PPP6R2: variants seen among roughly 807,000 people sequenced by gnomAD.
The protein encoded by PPP6R2 is serine/threonine-protein phosphatase 6 regulatory subunit 2.
A neutral mutation model predicts 100.2 loss-of-function variants in PPP6R2; 62 were observed. The ratio of observed to expected loss-of-function variants is 0.62; its 90% CI spans 0.50 to 0.76. PPP6R2 has a LOEUF of 0.76. Ranked by LOEUF, PPP6R2 falls within the 30% of genes least tolerant of loss-of-function variation. The pLI is 0.00. For missense variants in PPP6R2, 1,142 were observed against 1,276.3 expected (o/e 0.89, Z 1.60); for synonymous variants, 525 against 514.7 (o/e 1.02, Z -0.27).
At chr22:50,386,145 T>A (rs376017934) in intron 2 of PPP6R2, among the ~76,000 whole-genome samples, 5 of 148,220 alleles carry the variant, frequency 3.4e-5, no homozygotes, top group African/African-American at 1.2e-4. Flanking sequence ...TTGTTTTGTT[T>A]TGTTTTGTTT....
At chr22:50,434,941 C>T in intron 12 of PPP6R2, 25 bp from the exon 13 acceptor site, 1 of 1,589,010 alleles carries the variant, frequency 6.3e-7, no homozygotes, top group South Asian at 1.1e-5. Flanking sequence ...CAGGAGGCCG[C>T]CCCGATGGTG....
chr22:50,374,708 G>C (rs1362725424), intron 2 of PPP6R2, among the ~76,000 whole-genome samples: 1 of 152,122 alleles, frequency 6.6e-6, no homozygotes, highest in East Asian at 1.9e-4. Context: ...AAGGTCAGGA[G>C]ATTGAGACCA....
intron 15 of PPP6R2, 66 bp from the exon 16 acceptor site, chr22:50,437,440 C>T (rs2064577286): frequency 8.6e-7 from 1 of 1,166,402 alleles, no homozygotes; most frequent in African/African-American, 1.5e-5. Flanking sequence ...AAAGAGCAGC[C>T]TCCAGGCCTG....
intron 10 of PPP6R2, among the ~76,000 whole-genome samples, chr22:50,425,881 GT>G (rs549811034): frequency 7.7e-4 from 107 of 138,420 alleles, no homozygotes; most frequent in South Asian, 4.1e-3. Context: ...TTTTTTTTTT[GT>G]TTTTTTTTTT....
intron 3 of PPP6R2, among the ~76,000 whole-genome samples, chr22:50,401,997 T>G (rs1273675326): frequency 6.6e-6 from 1 of 152,198 alleles, no homozygotes; most frequent in East Asian, 1.9e-4. Context: ...CTTCAAGTTC[T>G]CATTCATGGA....
At chr22:50,395,630 G>A (rs1237618827) in intron 3 of PPP6R2, among the ~76,000 whole-genome samples, 3 of 152,096 alleles carry the variant, frequency 2.0e-5, no homozygotes, top group South Asian at 2.1e-4. Context: ...GCATGATCTC[G>A]GCTCACTAGA....
At position 50,444,508 on chromosome 22, in the gene PPP6R2, G is replaced by T; in HGVS notation, c.*261G>T. On this transcript the variant is annotated 3_prime_UTR_variant, in exon 24 of 24. Transcript: ENST00000612753. ...CCCAAGCCCAGAGCACAGCAATAAG[G>T]TCGGCCTGCAGGAGCCGGGGTGGGG... 2.9e-6 allele frequency: 1 copy of T among 342,516 alleles called. No homozygotes were observed. Among genetic ancestry groups the T allele is most frequent in the South Asian group, 3.9e-5 (1 of 25,898 alleles). The allele number at this position is 342,516 out of a possible 1,614,324, so 21.2% of individuals were successfully genotyped here.
chr22:50,416,814 A>T (rs896842624), intron 6 of PPP6R2, among the ~76,000 whole-genome samples: 1 of 151,626 alleles, frequency 6.6e-6, no homozygotes, highest in Non-Finnish European at 1.5e-5. Context: ...AAATTAGCGA[A>T]GTGTGGTGTC....
At chr22:50,383,257 T>C (rs2053508984) in intron 2 of PPP6R2, among the ~76,000 whole-genome samples, 1 of 152,238 alleles carries the variant, frequency 6.6e-6, no homozygotes, top group African/African-American at 2.4e-5. Context: ...TTTATATTGG[T>C]AGGGTGCCCA....
intron 3 of PPP6R2, among the ~76,000 whole-genome samples, chr22:50,403,412 C>T (rs1028936445): frequency 1.3e-5 from 2 of 152,180 alleles, no homozygotes; most frequent in Non-Finnish European, 2.9e-5. Context: ...GCCAACCTGG[C>T]CCTCCTCTCC....
At chr22:50,419,715 G>A (rs1427261350) in intron 8 of PPP6R2, among the ~76,000 whole-genome samples, 3 of 152,222 alleles carry the variant, frequency 2.0e-5, no homozygotes, top group Non-Finnish European at 2.9e-5. Flanking sequence ...TGCATTTGTC[G>A]ATGTGCGTGG....
chr22:50,422,214 C>G (rs748242119), intron 8 of PPP6R2, 40 bp from the exon 9 acceptor site: 1 of 1,603,012 alleles, frequency 6.2e-7, no homozygotes, highest in Admixed American at 1.7e-5. Flanking sequence ...TGGACAGGGT[C>G]CTGGTGTCCC....
At chr22:50,385,570 C>T (rs537914871) in intron 2 of PPP6R2, among the ~76,000 whole-genome samples, 1 of 149,238 alleles carries the variant, frequency 6.7e-6, no homozygotes, top group South Asian at 2.1e-4. Flanking sequence ...GGCTGGAGTG[C>T]AATGGCGCTA....
intron 2 of PPP6R2, among the ~76,000 whole-genome samples, chr22:50,374,404 G>A (rs1471557817): frequency 3.9e-5 from 6 of 152,150 alleles, no homozygotes; most frequent in Non-Finnish European, 7.3e-5. Context: ...GATGGAATTG[G>A]TAAAGTGAAA....
chr22:50,341,972 G>A (rs2042446585), upstream of PPP6R2, among the ~76,000 whole-genome samples: 1 of 150,428 alleles, frequency 6.6e-6, no homozygotes, highest in Non-Finnish European at 1.5e-5. Flanking sequence ...CAGCCTGGGC[G>A]ACAGAGCGAG....
chr22:50,360,614 T>C (rs1005960229), intron 1 of PPP6R2, among the ~76,000 whole-genome samples: 1 of 152,198 alleles, frequency 6.6e-6, no homozygotes, highest in Admixed American at 6.5e-5. Flanking sequence ...TCCTCCTGCC[T>C]GGACCTCCCA....
At chr22:50,411,730 G>T (rs1029913589) in intron 4 of PPP6R2, among the ~76,000 whole-genome samples, 1 of 151,968 alleles carries the variant, frequency 6.6e-6, no homozygotes, top group Non-Finnish European at 1.5e-5. Context: ...TCCAGCCTGG[G>T]CGACAAAGGG....
intron 4 of PPP6R2, among the ~76,000 whole-genome samples, chr22:50,413,669 T>TCTCCCCTCC (rs2060076683): frequency 9.6e-6 from 1 of 104,032 alleles, no homozygotes; most frequent in Non-Finnish European, 2.0e-5. Context: ...CCTCCTCCCC[T>TCTCCCCTCC]ACCCCCTCCT....
intron 4 of PPP6R2, among the ~76,000 whole-genome samples, chr22:50,411,690 T>C (rs1275686741): frequency 2.0e-5 from 3 of 151,212 alleles, no homozygotes; most frequent in African/African-American, 4.9e-5. Context: ...AGGGTGGAGG[T>C]TGCAGTGAGC....
Sources: gnomAD v4.1 joint callset for allele counts (sites outside exome capture counted in the v4.1 genomes callset) on GRCh38, gnomAD v4.1.1 for gene constraint, MANE v1.5 for transcripts, NCBI Gene and HGNC (gene_info 2026-07-23, HGNC 2026-07-21) for gene names.